BICC1: variants seen among roughly 807,000 people sequenced by gnomAD.
BICC1 encodes protein bicaudal C homolog 1.
A neutral mutation model predicts 111.0 loss-of-function variants in BICC1; 43 were observed. The observed-to-expected ratio is 0.39, with a 90% CI of 0.30 to 0.50. The LOEUF is 0.50. BICC1 is among the 20% of genes least tolerant of loss of function. BICC1 has a pLI of 0.88. For synonymous variants in BICC1, 467 were observed against 434.4 expected (o/e 1.07, Z -0.93); for missense variants, 1,091 against 1,203.2 (o/e 0.91, Z 1.38).
chr10:58,513,390 C>T lies in BICC1; in HGVS notation c.190+57C>T, dbSNP rs1200784325. On this transcript the variant is annotated intron_variant, in intron 1 of 20. Transcript: ENST00000373886. ...ACTGAGCCTCTAACTCCTTTTCGGA[C>T]ATCCCCACCGCGCGCTCCGGCGCCC... The T allele has an allele frequency of 3.4e-6, 5 of 1,461,422 alleles. No individual in the cohort carries two copies. In the East Asian group the frequency reaches 1.1e-4, roughly 32 times the overall value. The allele number at this position is 1,461,422 out of a possible 1,614,324, so 90.5% of individuals were successfully genotyped here.
chr10:58,589,527 A>G (rs1311080015), intron 1 of BICC1, among the ~76,000 whole-genome samples: 1 of 151,262 alleles, frequency 6.6e-6, no homozygotes, highest in Admixed American at 6.6e-5. Context: ...GCTGGAGTGC[A>G]GTGGTGCAGT....
chr10:58,700,760 C>T (rs1840209368), intron 2 of BICC1, among the ~76,000 whole-genome samples: 1 of 151,986 alleles, frequency 6.6e-6, no homozygotes, highest in South Asian at 2.1e-4. Context: ...CTGGGAGCAG[C>T]TCAGAGCCTG....
chr10:58,602,895 C>T (rs955922278), intron 1 of BICC1, among the ~76,000 whole-genome samples: 6 of 152,112 alleles, frequency 3.9e-5, no homozygotes, highest in South Asian at 2.1e-4. Context: ...ACACTTACTC[C>T]GTAAACCTCT....
intron 3 of BICC1, among the ~76,000 whole-genome samples, chr10:58,721,364 C>G (rs1840933889): frequency 6.6e-6 from 1 of 152,132 alleles, no homozygotes; most frequent in Non-Finnish European, 1.5e-5. Context: ...TTGGGGGAAC[C>G]CAAACTAAGA....
intron 3 of BICC1, chr10:58,716,275 C>T: frequency 6.7e-7 from 1 of 1,501,116 alleles, no homozygotes; most frequent in South Asian, 1.2e-5. Flanking sequence ...AGTTCAAGTC[C>T]TGACTCACCA....
chr10:58,683,488 C>G (rs945077918), intron 2 of BICC1, among the ~76,000 whole-genome samples: 1 of 152,086 alleles, frequency 6.6e-6, no homozygotes, highest in African/African-American at 2.4e-5. Flanking sequence ...GCCATTTTCA[C>G]GATATTGATT....
intron 2 of BICC1, among the ~76,000 whole-genome samples, chr10:58,700,421 A>T (rs1840197103): frequency 6.6e-6 from 1 of 152,074 alleles, no homozygotes; most frequent in Non-Finnish European, 1.5e-5. Flanking sequence ...CTTTTTTACT[A>T]GTGGTTTAGA....
chr10:58,768,704 G>C (rs1842527580), intron 3 of BICC1, among the ~76,000 whole-genome samples: 2 of 151,868 alleles, frequency 1.3e-5, no homozygotes, highest in Admixed American at 1.3e-4. Context: ...AAAAAAATGG[G>C]GAGTAAAAGT....
At chr10:58,525,008 T>G (rs1000757347) in intron 1 of BICC1, among the ~76,000 whole-genome samples, 2 of 150,082 alleles carry the variant, frequency 1.3e-5, no homozygotes, top group African/African-American at 2.4e-5. Context: ...AAAACCACAA[T>G]GAGATACCAT....
chr10:58,551,744 A>C (rs1009434636), intron 1 of BICC1, among the ~76,000 whole-genome samples: 1 of 152,148 alleles, frequency 6.6e-6, no homozygotes, highest in Non-Finnish European at 1.5e-5. Flanking sequence ...GAGATCATAC[A>C]TAATTTCTCT....
intron 2 of BICC1, among the ~76,000 whole-genome samples, chr10:58,660,073 G>T (rs1033208355): frequency 6.6e-6 from 1 of 152,182 alleles, no homozygotes; most frequent in Non-Finnish European, 1.5e-5. Context: ...CTAGCAAGAA[G>T]AGCTCCTCAT....
At chr10:58,814,165 C>G in intron 18 of BICC1, 179 bp downstream of exon 18, 1 of 716,484 alleles carries the variant, frequency 1.4e-6, no homozygotes, top group Non-Finnish European at 2.5e-6. Flanking sequence ...GGTTCTCTTT[C>G]CTCTCACTCC....
chr10:58,737,562 T>C (rs1471297119), intron 3 of BICC1, among the ~76,000 whole-genome samples: 1 of 152,194 alleles, frequency 6.6e-6, no homozygotes, highest in East Asian at 1.9e-4. Context: ...TAAACATAGG[T>C]GTGCATGTGT....
rs375346177 is a variant in BICC1 at position 58,798,367 on chromosome 10, G to A, written c.1367-32G>A. The A allele has an allele frequency of 7.8e-5, 117 of 1,492,436 alleles. No individual in the cohort carries two copies. The African/African-American group carries it at 1.4e-3, about 18-fold the overall frequency. The allele number at this position is 1,492,436 out of a possible 1,614,324, so 92.4% of individuals were successfully genotyped here. On this transcript the variant is annotated intron_variant, in intron 10 of 20. Transcript: ENST00000373886. ...CTCTATTTTAAAATCTTAAATTTAT[G>A]TGAATTGACTTTATATATTCATTTA...
intron 3 of BICC1, among the ~76,000 whole-genome samples, chr10:58,783,360 C>T (rs1359180779): frequency 2.0e-5 from 3 of 152,056 alleles, no homozygotes; most frequent in East Asian, 3.9e-4. Context: ...TAAGAAAAAT[C>T]GTTTCCTCCC....
intron 2 of BICC1, among the ~76,000 whole-genome samples, chr10:58,679,598 A>G (rs916081837): frequency 1.3e-5 from 2 of 152,230 alleles, no homozygotes; most frequent in Admixed American, 1.3e-4. Flanking sequence ...GCCGAATTGT[A>G]CCAGAGGTAC....
chr10:58,733,826 T>G (rs556656630), intron 3 of BICC1, among the ~76,000 whole-genome samples: 1 of 152,206 alleles, frequency 6.6e-6, no homozygotes, highest in Non-Finnish European at 1.5e-5. Context: ...CACTCTAGTA[T>G]AGGATAGTAG....
chr10:58,779,885 T>A (rs1175972803), intron 3 of BICC1, among the ~76,000 whole-genome samples: 4 of 152,236 alleles, frequency 2.6e-5, no homozygotes, highest in African/African-American at 7.2e-5. Flanking sequence ...TCTGACACTT[T>A]TTTTTCTTTC....
chr10:58,645,223 C>G (rs1452550886), intron 2 of BICC1, among the ~76,000 whole-genome samples: 1 of 151,868 alleles, frequency 6.6e-6, no homozygotes, highest in East Asian at 1.9e-4. Flanking sequence ...TCCTGACTAA[C>G]TCGGTGAAAC....
Sources: gnomAD v4.1 joint callset for allele counts (sites outside exome capture counted in the v4.1 genomes callset) on GRCh38, gnomAD v4.1.1 for gene constraint, MANE v1.5 for transcripts, NCBI Gene and HGNC (gene_info 2026-07-23, HGNC 2026-07-21) for gene names.